The following ZFYVE21 variants were observed in gnomAD, a reference collection of about 807,000 sequenced individuals.
ZFYVE21 encodes zinc finger FYVE domain-containing protein 21.
A neutral mutation model predicts 29.5 loss-of-function variants in ZFYVE21; 21 were observed. The ratio of observed to expected loss-of-function variants is 0.71; its 90% CI spans 0.50 to 1.02. The LOEUF (loss-of-function observed/expected upper bound fraction) is 1.02. Among genes scored for constraint, ZFYVE21 ranks in the 50% least tolerant of loss-of-function variants. The probability of loss-of-function intolerance (pLI) is 0.00; values close to 1 mark genes in which losing one functional copy is unlikely to be tolerated. For synonymous variants in ZFYVE21, 151 were observed against 133.8 expected (o/e 1.13, Z -0.89); for missense variants, 326 against 335.4 (o/e 0.97, Z 0.22).
rs1340708959 is a variant in ZFYVE21, at chr14:103,716,751, G to GC, written c.138+774dup. Among the ~76,000 whole-genome samples the GC allele has an allele frequency of 1.3e-5, 2 of 152,194 alleles. No homozygotes were observed. Among genetic ancestry groups the GC allele is most frequent in the Admixed American group, 1.3e-4 (2 of 15,286 alleles). ...GTCCCTGAGCCAGGCCATCCGCTGG[G>GC]CCTCCCGTGGGGTTCCCTGTGACCT... is the stretch of plus-strand genomic sequence containing the variant. On this transcript the variant is annotated intron_variant, in intron 1 of 6. Transcript: ENST00000311141. This position sits in a 1 kb window ranked among gnomAD's most constrained non-coding sequence, Gnocchi z 4.8.
chr14:103,729,732 G>C, intron 5 of ZFYVE21: 1 of 1,529,364 alleles, frequency 6.5e-7, no homozygotes, highest in Non-Finnish European at 8.8e-7. Flanking sequence ...CTTTCCTTCC[G>C]TTCTCTCACC....
intron 5 of ZFYVE21, chr14:103,730,035 C>A: frequency 1.6e-6 from 1 of 639,760 alleles, no homozygotes; most frequent in South Asian, 2.1e-5. Context: ...ATGAAGATAC[C>A]GCAGCAGATG....
In ZFYVE21 at chr14:103,729,217, G is replaced by A. The variant is rs749600143; in HGVS notation, c.526+35G>A. 2.5e-6 allele frequency: 4 copies of A among 1,610,086 alleles called. No individual in the cohort carries two copies. In the African/African-American group the frequency reaches 4.0e-5, roughly 16 times the overall value. On this transcript the variant is annotated intron_variant, in intron 5 of 6. Coordinates refer to ENST00000311141, the MANE Select transcript of ZFYVE21 (RefSeq NM_024071.4). Reference sequence around the variant, plus strand: ...AGCACGTCCTTTCCTAAGCCAGGAGGGTTTGGTGCCATGCGTGGGTGACAA... The same window carrying A: ...AGCACGTCCTTTCCTAAGCCAGGAGAGTTTGGTGCCATGCGTGGGTGACAA...
At chr14:103,723,681 C>T (rs146989366) in intron 1 of ZFYVE21, among the ~76,000 whole-genome samples, 522 of 152,340 alleles carry the variant, frequency 3.4e-3, no homozygotes, top group Middle Eastern at 0.014. Context: ...GGACCTCTGT[C>T]CTCCTACAGT....
intron 1 of ZFYVE21, among the ~76,000 whole-genome samples, chr14:103,717,366 G>A (rs74085271): frequency 0.025 from 3,775 of 152,302 alleles, 156 homozygotes; most frequent in African/African-American, 0.085. Context: ...AATACTCTAC[G>A]TCTGTATGAA....
rs180674943 is a variant in ZFYVE21 at position 103,729,521 on chromosome 14, A to C, written c.526+339A>C. 2.2e-4 allele frequency: 126 copies of C among 578,394 alleles called. No individual in the cohort carries two copies. The East Asian group carries it at 3.5e-3, about 16-fold the overall frequency. 35.8% of individuals were successfully genotyped at this position (578,394 alleles called of 1,614,324 possible). ...CCCAAATGCAATAACTGAGATCCCC[A>C]AAAAGGTCTGAATGGTGGCTCATCG... is the stretch of plus-strand genomic sequence containing the variant. On this transcript the variant is annotated intron_variant, in intron 5 of 6. Transcript: ENST00000311141.
chr14:103,716,648 T>G lies in ZFYVE21; in HGVS notation c.138+669T>G, dbSNP rs895199326. 6.6e-6 allele frequency among the ~76,000 whole-genome samples: 1 copy of G among 152,218 alleles called. No individual in the cohort carries two copies. The highest frequency in any genetic ancestry group is 6.5e-5 in the Admixed American group (1 of 15,288). On this transcript the variant is annotated intron_variant, in intron 1 of 6. Coordinates refer to ENST00000311141, the MANE Select transcript of ZFYVE21 (RefSeq NM_024071.4). The surrounding 1 kb of genome is among the most constrained non-coding windows in gnomAD (Gnocchi z 4.8). ...GACAGTTTGAAGGAGACCGCAGATT[T>G]GCACCCGTTTCCCATGGGCCCAGAC...
chr14:103,732,852 C>T lies in ZFYVE21; in HGVS notation c.669+90C>T, dbSNP rs1371669664. 50 of 1,599,082 alleles carry T rather than the reference C, an allele frequency of 3.1e-5. No homozygotes were observed. The South Asian group carries it at 4.3e-4, about 14-fold the overall frequency. On this transcript the variant is annotated intron_variant, in intron 6 of 6. Coordinates refer to ENST00000311141, the MANE Select transcript of ZFYVE21 (RefSeq NM_024071.4). The stretch of plus-strand genomic sequence containing the variant: ...GGAAGCTCTGTGTCCTGCCATTTGC[C>T]CCCTATCCCCACAACCTGTTCCCCC...
intron 1 of ZFYVE21, among the ~76,000 whole-genome samples, chr14:103,722,203 A>G (rs1443017500): frequency 1.3e-5 from 2 of 152,142 alleles, no homozygotes; most frequent in African/African-American, 4.8e-5. Context: ...CTCTGTTGAT[A>G]ATTTTTTAAA....
chr14:103,725,778 GTT>G (rs1282537098), intron 1 of ZFYVE21: 3 of 152,252 alleles, frequency 2.0e-5, no homozygotes, highest in Non-Finnish European at 4.4e-5. Flanking sequence ...TCTTAAATCT[GTT>G]TTATTTCTAA....
intron 2 of ZFYVE21, chr14:103,727,544 G>A (rs752430240): frequency 2.8e-6 from 2 of 719,154 alleles, no homozygotes; most frequent in South Asian, 3.0e-5. Flanking sequence ...TTGAAAAAAG[G>A]GCCTCATTTC....
chr14:103,729,862 C>A, intron 5 of ZFYVE21: 2 of 1,535,982 alleles, frequency 1.3e-6, no homozygotes, highest in Middle Eastern at 3.3e-4. Context: ...CCTCTTCCTC[C>A]TCACCGGGGC....
chr14:103,720,956 G>A (rs2083867317), intron 1 of ZFYVE21, among the ~76,000 whole-genome samples: 1 of 152,130 alleles, frequency 6.6e-6, no homozygotes, highest in Non-Finnish European at 1.5e-5. Flanking sequence ...CCGAGTAGCT[G>A]GGACCATAGG....
At chr14:103,729,570 C>T (rs1470536900) in intron 5 of ZFYVE21, 4 of 614,120 alleles carry the variant, frequency 6.5e-6, no homozygotes, top group Non-Finnish European at 1.1e-5. Context: ...CAGCCCTCCT[C>T]CTGCAGGCGT....
At chr14:103,723,524 G>A (rs941474) in intron 1 of ZFYVE21, among the ~76,000 whole-genome samples, 72,099 of 151,980 alleles carry the variant, frequency 0.47, 17,229 homozygotes, top group Admixed American at 0.53. Flanking sequence ...CTGGTCGTGG[G>A]ATCTCACAAA....
intron 1 of ZFYVE21, chr14:103,726,567 G>A (rs2083926388): frequency 7.0e-6 from 4 of 571,412 alleles, no homozygotes; most frequent in South Asian, 4.1e-5. Context: ...TACGCTGGGT[G>A]CATCTCCCGC....
In ZFYVE21 at chr14:103,729,337, G is replaced by A. The variant is rs1423405811; in HGVS notation, c.526+155G>A. ...CTGCCTTTCCTCTTTCGCGGGGCGT[G>A]TATTTACTCAGTGGCTTTAGAACTC... On this transcript the variant is annotated intron_variant, in intron 5 of 6. Transcript: ENST00000311141. 5 of 699,794 alleles carry A rather than the reference G, an allele frequency of 7.1e-6. No homozygotes were observed. The Middle Eastern group carries it at 1.2e-3, about 167-fold the overall frequency. 43.3% of individuals were successfully genotyped at this position (699,794 alleles called of 1,614,324 possible).
intron 1 of ZFYVE21, among the ~76,000 whole-genome samples, chr14:103,719,044 A>G (rs2083851909): frequency 6.6e-6 from 1 of 152,154 alleles, no homozygotes; most frequent in Admixed American, 6.5e-5. Context: ...CCAAGGCTAG[A>G]AAGAATCAAG....
At position 103,733,107 on chromosome 14, in the gene ZFYVE21, A is replaced by C. The variant is rs2084002204; in HGVS notation, c.*89A>C. 1 of 1,555,732 alleles carries C rather than the reference A, an allele frequency of 6.4e-7. No homozygotes were observed. Among genetic ancestry groups the C allele is most frequent in the Admixed American group, 1.7e-5 (1 of 58,938 alleles). ...AGCCTGCTCCTTGCGTACCACAGGG[A>C]TTAATCCTGCTTGTGCTGGGAAATG... On this transcript the variant is annotated 3_prime_UTR_variant, in exon 7 of 7. Transcript: ENST00000311141.
Sources: gnomAD v4.1 joint callset for allele counts (sites outside exome capture counted in the v4.1 genomes callset) on GRCh38, gnomAD v4.1.1 for gene constraint, Gnocchi (gnomAD v3.1) non-coding constraint, MANE v1.5 for transcripts, NCBI Gene and HGNC (gene_info 2026-07-23, HGNC 2026-07-21) for gene names.